BMP7: variants seen among roughly 807,000 people sequenced by gnomAD.
The protein encoded by BMP7 is bone morphogenetic protein 7, also known as osteogenic protein 1.
Under a neutral mutation model 41.2 loss-of-function variants are expected in BMP7, and 12 were observed. That is an observed-to-expected ratio of 0.29 (90% confidence interval 0.19 to 0.47). The LOEUF (loss-of-function observed/expected upper bound fraction) is 0.47, where lower values mean the gene tolerates loss of function less well. Ranked by LOEUF, BMP7 falls within the 20% of genes least tolerant of loss-of-function variation. BMP7 has a pLI of 0.99. For synonymous variants in BMP7, 248 were observed against 250.0 expected (o/e 0.99, Z 0.07); for missense variants, 467 against 606.0 (o/e 0.77, Z 2.41).
At chr20:57,223,876 T>A (rs1027319778) in intron 2 of BMP7, among the ~76,000 whole-genome samples, 1 of 152,106 alleles carries the variant, frequency 6.6e-6, no homozygotes, top group Non-Finnish European at 1.5e-5. Context: ...ACATCATAAG[T>A]TGCCACCACC....
rs74936471 is a variant in BMP7, at chr20:57,182,622, C to T, written c.958+1100G>A. On this transcript the variant is annotated intron_variant, in intron 4 of 6. Transcript: ENST00000395863. The stretch of plus-strand genomic sequence containing the variant: ...CCCAGGGACCCAATCCCAGGGCTGC[C>T]AGTTACCTACACTGTGCCCTTAGAC... Among the ~76,000 whole-genome samples, 1,356 of 152,344 alleles carry T rather than the reference C, an allele frequency of 8.9e-3. 31 individuals are homozygous for T. Among genetic ancestry groups the T allele is most frequent in the African/African-American group, 0.031 (1,269 of 41,580 alleles).
At chr20:57,243,379 T>C (rs1296885445) in intron 1 of BMP7, among the ~76,000 whole-genome samples, 2 of 152,070 alleles carry the variant, frequency 1.3e-5, no homozygotes, top group African/African-American at 4.8e-5. Flanking sequence ...CTCAGGAGGC[T>C]GAGGCACAAG....
At position 57,265,695 on chromosome 20, in the gene BMP7, C is replaced by T. The variant is rs371423711; in HGVS notation, c.418+10G>A. On this transcript the variant is annotated intron_variant, in intron 1 of 6. Coordinates refer to ENST00000395863, the MANE Select transcript of BMP7 (RefSeq NM_001719.3). ...AAAGGAGACGCGTACCCTCGCCTGC[C>T]CTTACTCACCGAGGTTGACGAAGCT... is the stretch of plus-strand genomic sequence containing the variant. 6 of 1,596,842 alleles carry T rather than the reference C, an allele frequency of 3.8e-6. No homozygotes were observed. The highest frequency in any genetic ancestry group is 5.1e-6 in the Non-Finnish European group (6 of 1,171,756).
intron 3 of BMP7, among the ~76,000 whole-genome samples, chr20:57,184,542 G>A (rs942383112): frequency 6.6e-6 from 1 of 152,116 alleles, no homozygotes; most frequent in African/African-American, 2.4e-5. Context: ...GAGTCAGGTC[G>A]GGTCCTATGG....
intron 3 of BMP7, among the ~76,000 whole-genome samples, chr20:57,199,032 G>A (rs866059485): frequency 1.3e-5 from 2 of 152,146 alleles, no homozygotes; most frequent in African/African-American, 2.4e-5. Context: ...TGACATGGGC[G>A]CTGCTGCCTG....
chr20:57,266,276 G>A lies in BMP7; in HGVS notation c.-154C>T. The A allele has an allele frequency of 4.3e-6, 3 of 691,530 alleles. No individual in the cohort carries two copies. The highest frequency in any genetic ancestry group is 4.7e-5 in the South Asian group (1 of 21,480). 42.8% of individuals were successfully genotyped at this position (691,530 alleles called of 1,614,324 possible). A position where few individuals can be genotyped will look rare whatever the true frequency, so the allele number is the denominator to read the frequency against. On this transcript the variant is annotated 5_prime_UTR_variant, in exon 1 of 7. Transcript: ENST00000395863. ...AGACATGGCCCCTCCCCGGCCGGCC[G>A]CGCTCTGCCCGGACCCCCGCCCCCT...
chr20:57,175,157 AG>A lies in BMP7; in HGVS notation c.959-151del, dbSNP rs551625986. 6.8e-5 allele frequency: 57 copies of A among 840,914 alleles called. 1 individual carries two copies. In the South Asian group the frequency reaches 6.9e-4, roughly 10 times the overall value. The allele number at this position is 840,914 out of a possible 1,614,324, so 52.1% of individuals were successfully genotyped here. A position where few individuals can be genotyped will look rare whatever the true frequency, so the allele number is the denominator to read the frequency against. ...ATTTCCCGATTCAAAAGCCAGTTCGAGGGTCTAACTGCCTTAAAACTCATTT... is the reference window on the plus strand; with the variant it reads ...ATTTCCCGATTCAAAAGCCAGTTCGAGGTCTAACTGCCTTAAAACTCATTT... On this transcript the variant is annotated intron_variant, in intron 4 of 6. Transcript: ENST00000395863.
intron 4 of BMP7, 46 bp from the exon 5 acceptor site, chr20:57,175,053 G>C (rs1460176428): frequency 3.2e-6 from 5 of 1,565,642 alleles, no homozygotes; most frequent in African/African-American, 1.4e-5. Flanking sequence ...TGAGGAGAAA[G>C]AAACACACAC....
chr20:57,252,840 G>C (rs767243385), intron 1 of BMP7, among the ~76,000 whole-genome samples: 12 of 152,198 alleles, frequency 7.9e-5, no homozygotes, highest in Non-Finnish European at 1.3e-4. Context: ...CTAAACCAGT[G>C]GTTCTCAACT....
chr20:57,178,754 T>C (rs1194769577), intron 4 of BMP7, among the ~76,000 whole-genome samples: 2 of 152,054 alleles, frequency 1.3e-5, no homozygotes, highest in Admixed American at 1.3e-4. Context: ...AGCTCAGGGA[T>C]GTGTCAGGTG....
At chr20:57,240,133 T>A (rs765018918) in intron 1 of BMP7, among the ~76,000 whole-genome samples, 1 of 152,246 alleles carries the variant, frequency 6.6e-6, no homozygotes, top group African/African-American at 2.4e-5. Flanking sequence ...TCTGAACTTT[T>A]ATGCTTTGTT....
Position 57,189,575 on chromosome 20 carries a change from C to G in BMP7, c.761-5656G>C, listed in dbSNP as rs116526891. On this transcript the variant is annotated intron_variant, in intron 3 of 6. Coordinates refer to ENST00000395863, the MANE Select transcript of BMP7 (RefSeq NM_001719.3). ...CTGCACCGTCAATCCTGTTTCATATCACTCTGCCCTTTACGTAATATATTG... is the reference window on the plus strand; with the variant it reads ...CTGCACCGTCAATCCTGTTTCATATGACTCTGCCCTTTACGTAATATATTG... Among the ~76,000 whole-genome samples the G allele has an allele frequency of 4.9e-3, 744 of 152,326 alleles. 6 individuals carry two copies. The highest frequency in any genetic ancestry group is 0.016 in the African/African-American group (678 of 41,564).
chr20:57,238,633 T>C (rs571421285), intron 1 of BMP7, among the ~76,000 whole-genome samples: 1 of 152,210 alleles, frequency 6.6e-6, no homozygotes, highest in East Asian at 1.9e-4. Flanking sequence ...TGTTCTGTTT[T>C]GTTTTGTTTG....
chr20:57,254,761 C>A (rs946706230), intron 1 of BMP7, among the ~76,000 whole-genome samples: 2 of 152,124 alleles, frequency 1.3e-5, no homozygotes, highest in Non-Finnish European at 2.9e-5. Flanking sequence ...TGTTCATGCA[C>A]ATTTTGATTT....
intron 3 of BMP7, among the ~76,000 whole-genome samples, chr20:57,194,968 G>A (rs1693894773): frequency 6.6e-6 from 1 of 152,206 alleles, no homozygotes; most frequent in Non-Finnish European, 1.5e-5. Context: ...TGACTTACGG[G>A]GACCCCAAAG....
rs117492879 is a variant in BMP7 at position 57,202,709 on chromosome 20, G to A, written c.612-86C>T. ...AACAGATGGGAAGCAGAGCCTCATG[G>A]GGTGGGAGGGGAGGGAAAGAGTCCA... is the stretch of plus-strand genomic sequence containing the variant. On this transcript the variant is annotated intron_variant, in intron 2 of 6. Coordinates refer to ENST00000395863, the MANE Select transcript of BMP7 (RefSeq NM_001719.3). 5,802 of 1,325,770 alleles carry A rather than the reference G, an allele frequency of 4.4e-3. 266 individuals carry two copies. The highest frequency in any genetic ancestry group is 5.8e-3 in the Middle Eastern group (30 of 5,150). The allele number at this position is 1,325,770 out of a possible 1,614,324, so 82.1% of individuals were successfully genotyped here.
At chr20:57,219,198 C>CTGGTGTTTGTTCGGTGGTAGG (rs1985124451) in intron 2 of BMP7, among the ~76,000 whole-genome samples, 13 of 140,208 alleles carry the variant, frequency 9.3e-5, no homozygotes, top group Admixed American at 7.4e-4. Flanking sequence ...TCAGTGGTAG[C>CTGGTGTTTGTTCGGTGGTAGG]TGGTGTTTGT....
chr20:57,195,962 T>G (rs1404019138), intron 3 of BMP7, among the ~76,000 whole-genome samples: 1 of 152,086 alleles, frequency 6.6e-6, no homozygotes, highest in Non-Finnish European at 1.5e-5. Flanking sequence ...AGCCAGCGCT[T>G]ACTGGAGCTG....
chr20:57,184,257 G>T (rs188055088), intron 3 of BMP7, among the ~76,000 whole-genome samples: 1 of 152,324 alleles, frequency 6.6e-6, no homozygotes. Context: ...GGCCAAAGCA[G>T]GTCGTGGTAT....
Sources: allele counts gnomAD v4.1 joint callset (sites outside exome capture counted in the v4.1 genomes callset), GRCh38; gene constraint gnomAD v4.1.1; transcripts MANE v1.5; gene names NCBI Gene and HGNC (gene_info 2026-07-23, HGNC 2026-07-21).